The following TMEM135 variants were observed in gnomAD, a reference collection of about 807,000 sequenced individuals.
The protein encoded by TMEM135 is transmembrane protein 135.
TMEM135 carries 30 observed loss-of-function variants against 60.3 expected under a neutral mutation model. The observed-to-expected ratio is 0.50, with a 90% CI of 0.37 to 0.68. The LOEUF (loss-of-function observed/expected upper bound fraction) is 0.68. Ranked by LOEUF, TMEM135 falls within the 30% of genes least tolerant of loss-of-function variation. The probability of loss-of-function intolerance (pLI) is 0.00; values close to 1 mark genes in which losing one functional copy is unlikely to be tolerated. For synonymous variants in TMEM135, 190 were observed against 186.7 expected (o/e 1.02, Z -0.14); for missense variants, 468 against 548.8 (o/e 0.85, Z 1.47).
At position 87,184,572 on chromosome 11, in the gene TMEM135, A is replaced by G. The variant is rs564548314; in HGVS notation, c.462+27166A>G. The stretch of plus-strand genomic sequence containing the variant: ...TAGTGGCAAATATGTTTGAGAAACT[A>G]TAGATATGACAAATTGTGTGGACTT... On this transcript the variant is annotated intron_variant, in intron 5 of 14. Transcript: ENST00000305494. Among the ~76,000 whole-genome samples, 73 of 152,332 alleles carry G rather than the reference A, an allele frequency of 4.8e-4. 1 individual carries two copies. Among genetic ancestry groups the G allele is most frequent in the South Asian group, 2.1e-3 (10 of 4,826 alleles).
intron 8 of TMEM135, 143 bp downstream of exon 8, chr11:87,302,585 C>T: frequency 1.0e-6 from 1 of 993,714 alleles, no homozygotes; most frequent in Non-Finnish European, 1.6e-6. Context: ...TTATAAAAGG[C>T]ACACAATGGC....
At chr11:87,307,738 T>C (rs1181454544) in intron 9 of TMEM135, among the ~76,000 whole-genome samples, 3 of 152,210 alleles carry the variant, frequency 2.0e-5, no homozygotes, top group African/African-American at 7.2e-5. Context: ...ATAAACATGG[T>C]AGTGAAATTT....
intron 6 of TMEM135, among the ~76,000 whole-genome samples, chr11:87,289,489 C>G (rs1007941499): frequency 1.7e-4 from 21 of 123,360 alleles, no homozygotes; most frequent in African/African-American, 4.3e-4. Context: ...TGCTCTGTCA[C>G]CCAGGCTGGA....
intron 3 of TMEM135, among the ~76,000 whole-genome samples, chr11:87,083,908 ACTTT>A (rs1239279162): frequency 6.6e-6 from 1 of 152,218 alleles, no homozygotes; most frequent in Non-Finnish European, 1.5e-5. Context: ...AGGAATTTTC[ACTTT>A]CTTTTATTTC....
intron 4 of TMEM135, among the ~76,000 whole-genome samples, chr11:87,139,194 C>T (rs917038063): frequency 6.6e-6 from 1 of 151,912 alleles, no homozygotes; most frequent in African/African-American, 2.4e-5. Flanking sequence ...AATGTAGTAC[C>T]CAGATTTTTC....
In TMEM135 at chr11:87,325,869, T is replaced by C; in HGVS notation, c.*4536T>C. ...TCACTTGACTCTGGAATTTCCTATT[T>C]TCTTTTACTTTCTCCATTTTTTTTC... is the stretch of plus-strand genomic sequence containing the variant. On this transcript the variant is annotated 3_prime_UTR_variant, in exon 15 of 15. Transcript: ENST00000305494. The C allele has an allele frequency of 2.2e-6, 1 of 454,064 alleles. No homozygotes were observed. Among genetic ancestry groups the C allele is most frequent in the South Asian group, 1.6e-5 (1 of 64,474 alleles). 28.1% of individuals were successfully genotyped at this position (454,064 alleles called of 1,614,324 possible).
intron 3 of TMEM135, among the ~76,000 whole-genome samples, chr11:87,081,093 G>GT (rs35529723): frequency 0.1 from 15,346 of 149,272 alleles, 871 homozygotes; most frequent in African/African-American, 0.13. Flanking sequence ...TATAATTAAA[G>GT]TTTTTTTTTT....
rs368651561 is a variant in TMEM135 at position 87,248,589 on chromosome 11, G to C, written c.509+11905G>C. Among the ~76,000 whole-genome samples, 3 of 151,390 alleles carry C rather than the reference G, an allele frequency of 2.0e-5. No individual in the cohort carries two copies. In the South Asian group the frequency reaches 6.3e-4, roughly 32 times the overall value. ...GTTCTTCTTGCTTATGATAGCTTTG[G>C]CTATTTTTGGTCATTTGTGGTTCCA... On this transcript the variant is annotated intron_variant, in intron 6 of 14. Transcript: ENST00000305494.
chr11:87,063,770 C>T (rs1949971267), intron 1 of TMEM135, among the ~76,000 whole-genome samples: 1 of 152,108 alleles, frequency 6.6e-6, no homozygotes, highest in African/African-American at 2.4e-5. Context: ...TTTTCTGTGT[C>T]TTGTGTTAGA....
intron 1 of TMEM135, among the ~76,000 whole-genome samples, chr11:87,055,277 A>G (rs546707614): frequency 2.0e-5 from 3 of 152,312 alleles, no homozygotes; most frequent in East Asian, 3.9e-4. Flanking sequence ...GAGAAATAAG[A>G]AGCAATTACT....
chr11:87,264,439 T>C (rs949988869), intron 6 of TMEM135, among the ~76,000 whole-genome samples: 1 of 151,872 alleles, frequency 6.6e-6, no homozygotes, highest in African/African-American at 2.4e-5. Context: ...TGTAGATAAA[T>C]GGTATTTTAG....
intron 4 of TMEM135, among the ~76,000 whole-genome samples, chr11:87,102,734 AT>A (rs1857492202): frequency 6.9e-6 from 1 of 144,812 alleles, no homozygotes; most frequent in East Asian, 1.9e-4. Flanking sequence ...ATATGTATAT[AT>A]ATATGTATAT....
intron 6 of TMEM135, among the ~76,000 whole-genome samples, chr11:87,242,270 G>A (rs1025141990): frequency 9.9e-5 from 15 of 151,812 alleles, no homozygotes; most frequent in African/African-American, 3.6e-4. Flanking sequence ...ATTTGGGTTG[G>A]TTCTAAGTCT....
At chr11:87,177,043 G>T (rs866722710) in intron 5 of TMEM135, among the ~76,000 whole-genome samples, 2 of 152,082 alleles carry the variant, frequency 1.3e-5, no homozygotes, top group South Asian at 2.1e-4. Context: ...GTAATGGATT[G>T]TAAAATCATC....
chr11:87,197,325 A>G (rs1939983298), intron 5 of TMEM135, among the ~76,000 whole-genome samples: 1 of 152,110 alleles, frequency 6.6e-6, no homozygotes, highest in South Asian at 2.1e-4. Flanking sequence ...ATTCGGCATA[A>G]AGGGTAAAAC....
In TMEM135 at chr11:87,106,854, A is replaced by G. The variant is rs190936226; in HGVS notation, c.396+15459A>G. The stretch of plus-strand genomic sequence containing the variant: ...CTCACGGTTCTGCAGGCTGTACAGG[A>G]AGCATAGTCCTGGCATCAGCTTCTG... On this transcript the variant is annotated intron_variant, in intron 4 of 14. Coordinates refer to ENST00000305494, the MANE Select transcript of TMEM135 (RefSeq NM_022918.4). 2.1e-3 allele frequency among the ~76,000 whole-genome samples: 316 copies of G among 152,302 alleles called. 2 individuals carry two copies. Among genetic ancestry groups the G allele is most frequent in the Non-Finnish European group, 3.4e-3 (234 of 68,038 alleles).
At chr11:87,319,788 A>G (rs1180026754) in intron 14 of TMEM135, among the ~76,000 whole-genome samples, 1 of 152,128 alleles carries the variant, frequency 6.6e-6, no homozygotes, top group South Asian at 2.1e-4. Flanking sequence ...TACCTTACAT[A>G]TCATTTTTGC....
At chr11:87,146,706 A>G (rs78369612) in intron 4 of TMEM135, among the ~76,000 whole-genome samples, 3,174 of 152,266 alleles carry the variant, frequency 0.021, 34 homozygotes, top group South Asian at 0.032. Flanking sequence ...CTTGGATTCA[A>G]TGTTTTACGC....
chr11:87,277,929 T>C (rs1941997652), intron 6 of TMEM135, among the ~76,000 whole-genome samples: 1 of 152,258 alleles, frequency 6.6e-6, no homozygotes, highest in African/African-American at 2.4e-5. Context: ...CACTTTCTAA[T>C]AGATCTATAG....
Sources: gnomAD v4.1 joint callset for allele counts (sites outside exome capture counted in the v4.1 genomes callset) on GRCh38, gnomAD v4.1.1 for gene constraint, MANE v1.5 for transcripts, NCBI Gene and HGNC (gene_info 2026-07-23, HGNC 2026-07-21) for gene names.